The following ADAMTS9 variants were observed in gnomAD, a reference collection of about 807,000 sequenced individuals.
ADAMTS9 encodes A disintegrin and metalloproteinase with thrombospondin motifs 9.
In ADAMTS9, 107 loss-of-function variants were observed where a neutral mutation model predicts 257.1. That is an observed-to-expected ratio of 0.42 (90% CI 0.36 to 0.49). The LOEUF (loss-of-function observed/expected upper bound fraction) is 0.49, where lower values mean the gene tolerates loss of function less well. Ranked by LOEUF, ADAMTS9 falls within the 20% of genes least tolerant of loss-of-function variation. The pLI is 0.03. For synonymous variants in ADAMTS9, 982 were observed against 880.9 expected (o/e 1.11, Z -2.03); for missense variants, 2,353 against 2,469.1 (o/e 0.95, Z 1.00).
intron 30 of ADAMTS9, among the ~76,000 whole-genome samples, chr3:64,557,921 G>A (rs1342453232): frequency 2.6e-5 from 4 of 152,090 alleles, no homozygotes; most frequent in Non-Finnish European, 4.4e-5. Context: ...CTACTCTCAT[G>A]GTATCAAGAA....
At chr3:64,605,163 C>T (rs529561326) in intron 23 of ADAMTS9, among the ~76,000 whole-genome samples, 25 of 151,998 alleles carry the variant, frequency 1.6e-4, no homozygotes, top group Non-Finnish European at 2.8e-4. Context: ...TGTTTTTGGT[C>T]CAAAGAAAGC....
At chr3:64,528,822 G>A (rs187414342) in intron 38 of ADAMTS9, among the ~76,000 whole-genome samples, 10 of 152,262 alleles carry the variant, frequency 6.6e-5, no homozygotes, top group East Asian at 5.8e-4. Context: ...TGAGAAAGGG[G>A]CCACTACAGT....
intron 31 of ADAMTS9, among the ~76,000 whole-genome samples, chr3:64,549,373 T>TA (rs2083241851): frequency 6.6e-6 from 1 of 152,162 alleles, no homozygotes; most frequent in African/African-American, 2.4e-5. Flanking sequence ...AGAGATAAGC[T>TA]AAGATGAAGA....
chr3:64,606,080 T>C (rs1246392589), intron 23 of ADAMTS9, among the ~76,000 whole-genome samples: 1 of 152,184 alleles, frequency 6.6e-6, no homozygotes, highest in Non-Finnish European at 1.5e-5. Flanking sequence ...ATGATGAAGA[T>C]GTATGGCCAG....
chr3:64,608,887 C>A (rs1054689185), intron 22 of ADAMTS9, among the ~76,000 whole-genome samples: 1 of 151,886 alleles, frequency 6.6e-6, no homozygotes, highest in Non-Finnish European at 1.5e-5. Context: ...AAAGTACTAA[C>A]AAATTGAATC....
At chr3:64,551,926 C>T (rs2083276417) in intron 30 of ADAMTS9, among the ~76,000 whole-genome samples, 1 of 152,334 alleles carries the variant, frequency 6.6e-6, no homozygotes. Flanking sequence ...TCCAGGGGAA[C>T]TGCTCTCATG....
In ADAMTS9 at chr3:64,615,889, C is replaced by T. The variant is rs1054829930; in HGVS notation, c.3024+71G>A. On this transcript the variant is annotated intron_variant, in intron 20 of 39. Transcript: ENST00000498707. ...CCGCACAGCCTAAATGGGGCTTACA[C>T]ACCTGCAAGGAGCCACCATCAACTA... 1.1e-5 allele frequency: 18 copies of T among 1,573,350 alleles called. No homozygotes were observed. The African/African-American group carries it at 1.5e-4, about 13-fold the overall frequency.
chr3:64,660,832 T>C (rs544106868), intron 3 of ADAMTS9, among the ~76,000 whole-genome samples: 1 of 152,238 alleles, frequency 6.6e-6, no homozygotes, highest in East Asian at 1.9e-4. Context: ...AAAAAAACGT[T>C]GCATGCTGAG....
At chr3:64,680,267 A>G (rs1422211131) in intron 3 of ADAMTS9, among the ~76,000 whole-genome samples, 1 of 152,250 alleles carries the variant, frequency 6.6e-6, no homozygotes, top group Non-Finnish European at 1.5e-5. Context: ...TGGAGATACC[A>G]GAAAGACCCT....
rs751070222 is a variant in ADAMTS9 at position 64,546,887 on chromosome 3, C to A, written c.4935G>T (p.Gly1645=). Residue 1645 remains glycine (G), a synonymous_variant, in exon 32 of 40, where the codon GGG becomes GGT. Coordinates refer to ENST00000498707, the MANE Select transcript of ADAMTS9 (RefSeq NM_182920.2). ...RLVSCSEIYT[G]KENYEYSYQT... The stretch of plus-strand genomic sequence containing the variant: ...GGTAGCTGTATTCATAATTCTCCTT[C>A]CCGGTGTAAATCTCGCTGCACGAGA... 1 of 1,614,002 alleles carries A rather than the reference C, an allele frequency of 6.2e-7. No homozygotes were observed. The highest frequency in any genetic ancestry group is 1.3e-5 in the African/African-American group (1 of 74,914).
At chr3:64,644,639 G>A (rs1249028500) in intron 11 of ADAMTS9, among the ~76,000 whole-genome samples, 1 of 152,176 alleles carries the variant, frequency 6.6e-6, no homozygotes, top group Non-Finnish European at 1.5e-5. Context: ...CATTCTGCGG[G>A]GAAGTCAGAC....
intron 12 of ADAMTS9, among the ~76,000 whole-genome samples, chr3:64,635,623 G>A (rs1460017936): frequency 1.3e-5 from 2 of 152,150 alleles, no homozygotes; most frequent in Non-Finnish European, 2.9e-5. Context: ...CCAAGTGACA[G>A]GACGTTTAGA....
intron 32 of ADAMTS9, 136 bp from the exon 33 acceptor site, chr3:64,542,106 G>T: frequency 8.3e-7 from 1 of 1,204,792 alleles, no homozygotes; most frequent in Non-Finnish European, 1.2e-6. Flanking sequence ...AATACAAAAA[G>T]CTGACATTTA....
intron 16 of ADAMTS9, among the ~76,000 whole-genome samples, chr3:64,627,296 G>C (rs545505510): frequency 2.0e-5 from 3 of 152,036 alleles, no homozygotes; most frequent in East Asian, 3.9e-4. Flanking sequence ...TGAGTAGGGA[G>C]AAAGAGAGGA....
chr3:64,630,809 T>C lies in ADAMTS9; in HGVS notation c.2389+646A>G, dbSNP rs137866291. Among the ~76,000 whole-genome samples, 265 of 152,218 alleles carry C rather than the reference T, an allele frequency of 1.7e-3. 2 individuals carry two copies. Among genetic ancestry groups the C allele is most frequent in the Admixed American group, 3.3e-3 (50 of 15,284 alleles). The stretch of plus-strand genomic sequence containing the variant: ...AAAATAAAAAAATAATAAAATAAGA[T>C]GGGACTGGGCTGAGCAAACTGTTGA... On this transcript the variant is annotated intron_variant, in intron 16 of 39. Transcript: ENST00000498707.
Position 64,640,557 on chromosome 3 carries a change from AG to A in ADAMTS9, c.1856+1290del, listed in dbSNP as rs1224133220. On this transcript the variant is annotated intron_variant, in intron 12 of 39. Coordinates refer to ENST00000498707, the MANE Select transcript of ADAMTS9 (RefSeq NM_182920.2). The stretch of plus-strand genomic sequence containing the variant: ...GCTATTAAAAATAAATGAGACTGCT[AG>A]GGGAAATCATTTTACAAAATCCCAA... 2.6e-5 allele frequency among the ~76,000 whole-genome samples: 4 copies of A among 152,204 alleles called. No homozygotes were observed. In the East Asian group the frequency reaches 7.7e-4, roughly 29 times the overall value.
At chr3:64,627,470 A>G (rs192141390) in intron 16 of ADAMTS9, among the ~76,000 whole-genome samples, 1 of 152,260 alleles carries the variant, frequency 6.6e-6, no homozygotes, top group East Asian at 1.9e-4. Context: ...AGTGTACTGG[A>G]GACAAATAAG....
intron 12 of ADAMTS9, among the ~76,000 whole-genome samples, chr3:64,637,715 T>C (rs1700534069): frequency 6.6e-6 from 1 of 152,190 alleles, no homozygotes; most frequent in African/African-American, 2.4e-5. Context: ...CAGAAGGTAG[T>C]GTAATTCCTG....
intron 20 of ADAMTS9, among the ~76,000 whole-genome samples, 170 bp downstream of exon 20, chr3:64,615,790 A>G (rs2084750892): frequency 6.6e-6 from 1 of 152,186 alleles, no homozygotes; most frequent in Non-Finnish European, 1.5e-5. Context: ...CAGACATTAC[A>G]AATCAACCAT....
Sources: gnomAD v4.1 joint callset for allele counts (sites outside exome capture counted in the v4.1 genomes callset) on GRCh38, gnomAD v4.1.1 for gene constraint, MANE v1.5 for transcripts, NCBI Gene and HGNC (gene_info 2026-07-23, HGNC 2026-07-21) for gene names.